CDH26: variants seen among roughly 807,000 people sequenced by gnomAD.
The protein encoded by CDH26 is cadherin 26, also known as cadherin-like protein 26.
CDH26 carries 83 observed loss-of-function variants against 90.3 expected under a neutral mutation model. The ratio of observed to expected loss-of-function variants is 0.92; its 90% CI spans 0.77 to 1.10. The LOEUF (loss-of-function observed/expected upper bound fraction) is 1.10. Among genes scored for constraint, CDH26 ranks in the 50% least tolerant of loss-of-function variants. CDH26 has a pLI of 0.00. For synonymous variants in CDH26, 397 were observed against 396.3 expected (o/e 1.00, Z -0.02); for missense variants, 1,013 against 1,037.6 (o/e 0.98, Z 0.33).
chr20:59,991,609 C>T (rs532805603), intron 9 of CDH26, among the ~76,000 whole-genome samples: 8 of 152,182 alleles, frequency 5.3e-5, no homozygotes, highest in Non-Finnish European at 8.8e-5. Flanking sequence ...CTGTGACCCA[C>T]GCAACATGAG....
intron 15 of CDH26, 56 bp from the exon 16 acceptor site, chr20:60,002,757 A>G (rs1038350584): frequency 1.4e-6 from 2 of 1,396,006 alleles, no homozygotes. Context: ...CTAGTTATGT[A>G]TTTGCATCCT....
chr20:59,988,544 T>C (rs2061486132), intron 8 of CDH26, among the ~76,000 whole-genome samples: 2 of 152,330 alleles, frequency 1.3e-5, no homozygotes, highest in Admixed American at 1.3e-4. Flanking sequence ...CTTTGTACCC[T>C]GAATAACTAT....
chr20:59,968,881 A>G, intron 1 of CDH26, 86 bp from the exon 2 acceptor site: 1 of 624,100 alleles, frequency 1.6e-6, no homozygotes, highest in Non-Finnish European at 2.8e-6. Context: ...ATCATTTCTA[A>G]TTCTAGATTT....
intron 3 of CDH26, among the ~76,000 whole-genome samples, 172 bp downstream of exon 3, chr20:59,970,358 C>CT: frequency 6.6e-6 from 1 of 152,296 alleles, no homozygotes; most frequent in South Asian, 2.1e-4. Flanking sequence ...AGAACTCACT[C>CT]TAACTCTACC....
intron 17 of CDH26, among the ~76,000 whole-genome samples, chr20:60,007,792 G>C (rs150659881): frequency 6.6e-6 from 1 of 151,990 alleles, no homozygotes; most frequent in Non-Finnish European, 1.5e-5. Context: ...GCAGGGTTGT[G>C]ACCAGAAAAC....
At chr20:60,009,334 G>A (rs1601199554) in intron 17 of CDH26, among the ~76,000 whole-genome samples, 1 of 152,274 alleles carries the variant, frequency 6.6e-6, no homozygotes, top group South Asian at 2.1e-4. Context: ...CTACACTCTC[G>A]GGTGAAGCTC....
In CDH26 at chr20:59,985,034, A is replaced by T; in HGVS notation, c.742A>T (p.Arg248Trp). The T allele has an allele frequency of 6.2e-7, 1 of 1,614,142 alleles. No individual in the cohort carries two copies. The highest frequency in any genetic ancestry group is 8.5e-7 in the Non-Finnish European group (1 of 1,180,008). ...APQFTLLIRA[R>W]DCGEPSLSST... ...TCAGTTTACACTGCTAATCAGAGCCAGGGACTGTGGAGAACCGTCACTGTC... is the reference window on the plus strand; with the variant it reads ...TCAGTTTACACTGCTAATCAGAGCCTGGGACTGTGGAGAACCGTCACTGTC... Residue 248 changes from arginine to tryptophan, a missense_variant, in exon 7 of 18, where the codon AGG (arginine) becomes TGG (tryptophan). Transcript: ENST00000348616.
rs1601164376 is a variant in CDH26 at position 59,995,487 on chromosome 20, G to A, written c.1667-346G>A. On this transcript the variant is annotated intron_variant, in intron 11 of 17. Coordinates refer to ENST00000348616, the MANE Select transcript of CDH26 (RefSeq NM_177980.4). ...GCTTCTCGGGAGTGGATGATGAGAA[G>A]CTCTGCTACTGGTGCTTTTCTGGAC... Among the ~76,000 whole-genome samples the A allele has an allele frequency of 2.0e-5, 3 of 152,346 alleles. No individual in the cohort carries two copies. In the South Asian group the frequency reaches 6.2e-4, roughly 32 times the overall value.
At chr20:59,974,812 C>T (rs2061308457) in intron 4 of CDH26, among the ~76,000 whole-genome samples, 1 of 152,132 alleles carries the variant, frequency 6.6e-6, no homozygotes, top group Non-Finnish European at 1.5e-5. Flanking sequence ...CGTCTCATTA[C>T]CCTGTTTTAT....
At chr20:59,968,018 T>TCTTC (rs2061197619) in intron 1 of CDH26, among the ~76,000 whole-genome samples, 1 of 120,210 alleles carries the variant, frequency 8.3e-6, no homozygotes, top group Non-Finnish European at 1.6e-5. Flanking sequence ...TTTCTTCCTT[T>TCTTC]CTCTCTGTCT....
intron 7 of CDH26, among the ~76,000 whole-genome samples, chr20:60,021,897 C>CACATATATATAT (rs1295572684): frequency 6.7e-4 from 53 of 78,964 alleles, no homozygotes; most frequent in Admixed American, 1.0e-3. Flanking sequence ...CACACACACA[C>CACATATATATAT]ATATATATAT....
Position 60,026,390 on chromosome 20 carries a change from T to TAGAGAGAGAGAGAGAG in CDH26, c.948-4820_948-4805dup, listed in dbSNP as rs60922926. On this transcript the variant is annotated intron_variant, in intron 7 of 8. Transcript: ENST00000370991. ...GTGGAGACAGCTCTCTGGCTGGAGTTAGAGAGAGAGAGAGAGAGAGAGAGA... is the reference window on the plus strand; with the variant it reads ...GTGGAGACAGCTCTCTGGCTGGAGTTAGAGAGAGAGAGAGAGAGAGAGAGAGAGAGAGAGAGAGAGA... 1.6e-3 allele frequency among the ~76,000 whole-genome samples: 224 copies of TAGAGAGAGAGAGAGAG among 139,352 alleles called. 3 individuals are homozygous for TAGAGAGAGAGAGAGAG. The highest frequency in any genetic ancestry group is 9.6e-3 in the South Asian group (39 of 4,066). 91.4% of individuals were successfully genotyped at this position (139,352 alleles called of 152,430 possible).
At position 60,004,874 on chromosome 20, in the gene CDH26, T is replaced by G. The variant is rs528970455; in HGVS notation, c.2221-1839T>G. 1.2e-3 allele frequency among the ~76,000 whole-genome samples: 175 copies of G among 151,780 alleles called. 1 individual carries two copies. Among genetic ancestry groups the G allele is most frequent in the Admixed American group, 2.2e-3 (33 of 15,274 alleles). Reference sequence around the variant, plus strand: ...GGACCAGCTTTATATATACGGCCTGTCATTGAAATGTTATGCCGTGCATAA... The same window carrying G: ...GGACCAGCTTTATATATACGGCCTGGCATTGAAATGTTATGCCGTGCATAA... On this transcript the variant is annotated intron_variant, in intron 16 of 17. Coordinates refer to ENST00000348616, the MANE Select transcript of CDH26 (RefSeq NM_177980.4).
At chr20:60,029,372 T>TCTATAGTCAACAATGTAGCAC (rs2062023227) in intron 7 of CDH26, among the ~76,000 whole-genome samples, 3 of 42,166 alleles carry the variant, frequency 7.1e-5, no homozygotes, top group South Asian at 1.1e-3. Context: ...CAACGTAGCA[T>TCTATAGTCAACAATGTAGCAC]CTATAGTCAA....
intron 13 of CDH26, among the ~76,000 whole-genome samples, chr20:59,999,231 ACCATGCAATGCTGGTGACCCCAAGAG>A (rs1284332318): frequency 1.3e-5 from 2 of 152,182 alleles, no homozygotes; most frequent in Admixed American, 1.3e-4. Context: ...TGCACAGAAT[ACCATGCAATGCTGGTGACCCCAAGAG>A]CCATCACCAT....
chr20:60,005,612 T>C (rs2061738410), intron 16 of CDH26, among the ~76,000 whole-genome samples: 1 of 152,082 alleles, frequency 6.6e-6, no homozygotes, highest in African/African-American at 2.4e-5. Flanking sequence ...TAAACCCAGG[T>C]AAGATCAGAA....
downstream of CDH26, among the ~76,000 whole-genome samples, chr20:60,034,853 G>A (rs1352658484): frequency 6.6e-6 from 1 of 152,188 alleles, no homozygotes; most frequent in Non-Finnish European, 1.5e-5. Context: ...CCTGATGGTG[G>A]AGGCTCCGGC....
chr20:59,991,109 G>C (rs914099596), intron 9 of CDH26, among the ~76,000 whole-genome samples: 13 of 152,108 alleles, frequency 8.5e-5, no homozygotes, highest in Admixed American at 3.9e-4. Flanking sequence ...CATAGAATTT[G>C]ATTGAGAGGT....
rs1400013483 is a variant in CDH26, at chr20:59,992,200, T to C, written c.1284-178T>C. ...GAGAGTCTTTAGGCTGTCCTCCCTG[T>C]GCTTCCATTCCTTTCGTGAATTAAA... On this transcript the variant is annotated intron_variant, in intron 9 of 17. Transcript: ENST00000348616. The surrounding 1 kb of genome is among the most constrained non-coding windows in gnomAD (Gnocchi z 5.0). Among the ~76,000 whole-genome samples the C allele has an allele frequency of 1.3e-5, 2 of 152,240 alleles. No homozygotes were observed. Among genetic ancestry groups the C allele is most frequent in the Admixed American group, 1.3e-4 (2 of 15,290 alleles).
Sources: allele counts gnomAD v4.1 joint callset (sites outside exome capture counted in the v4.1 genomes callset), GRCh38; gene constraint gnomAD v4.1.1; non-coding constraint Gnocchi (gnomAD v3.1); transcripts MANE v1.5; gene names NCBI Gene and HGNC (gene_info 2026-07-23, HGNC 2026-07-21).